Variants in IGFL2 observed in about 807,000 individuals in gnomAD.
The protein encoded by IGFL2 is IGF like family member 2.
In IGFL2, 7 loss-of-function variants were observed where a neutral mutation model predicts 13.9. The ratio of observed to expected loss-of-function variants is 0.51; its 90% CI spans 0.29 to 0.95. The LOEUF (loss-of-function observed/expected upper bound fraction) is 0.95. Ranked by LOEUF, IGFL2 falls within the 40% of genes least tolerant of loss-of-function variation. The pLI, the probability that IGFL2 is intolerant of heterozygous loss-of-function variation, is 0.08. For missense variants in IGFL2, 138 were observed against 147.8 expected (o/e 0.93, Z 0.34); for synonymous variants, 55 against 55.8 (o/e 0.99, Z 0.07).
chr19:46,133,757 C>G, the IGFL2 span, among the ~76,000 whole-genome samples: 3 of 152,174 alleles, frequency 2.0e-5, no homozygotes, highest in African/African-American at 7.2e-5. Flanking sequence ...AGGAAAGTCC[C>G]TCTGAAGAGG....
At chr19:46,208,270 C>T in the IGFL2 span, 1 of 152,260 alleles carries the variant, frequency 6.6e-6, no homozygotes, top group Non-Finnish European at 1.5e-5. Flanking sequence ...AAACTGGTCT[C>T]CCGGGGCTCA....
chr19:46,132,686 G>A, the IGFL2 span, among the ~76,000 whole-genome samples: 5 of 121,772 alleles, frequency 4.1e-5, no homozygotes, highest in Non-Finnish European at 2.0e-5. Flanking sequence ...GGGAGAGGGA[G>A]AGGAAAGAAG....
chr19:46,201,675 C>T, the IGFL2 span, among the ~76,000 whole-genome samples: 7 of 151,988 alleles, frequency 4.6e-5, no homozygotes, highest in Non-Finnish European at 8.8e-5. Flanking sequence ...GGGATAGTAA[C>T]GGGCGTGTGA....
chr19:46,195,324 GTTAA>G, the IGFL2 span, among the ~76,000 whole-genome samples: 1 of 152,014 alleles, frequency 6.6e-6, no homozygotes, highest in African/African-American at 2.4e-5. Flanking sequence ...GTGGTGCCCT[GTTAA>G]TTAATGACCC....
At chr19:46,192,088 G>A in the IGFL2 span, among the ~76,000 whole-genome samples, 1 of 152,056 alleles carries the variant, frequency 6.6e-6, no homozygotes, top group African/African-American at 2.4e-5. Flanking sequence ...GTCCTCTCTG[G>A]TGAGAACTCA....
At chr19:46,172,791 C>T in the IGFL2 span, among the ~76,000 whole-genome samples, 1 of 152,164 alleles carries the variant, frequency 6.6e-6, no homozygotes, top group African/African-American at 2.4e-5. Context: ...GATCTTGGCT[C>T]ACTGTAACCT....
At chr19:46,082,704 G>A in the IGFL2 span, among the ~76,000 whole-genome samples, 1 of 151,744 alleles carries the variant, frequency 6.6e-6, no homozygotes, top group Non-Finnish European at 1.5e-5. Flanking sequence ...GCTCACTGCA[G>A]CCTTGATCTT....
the IGFL2 span, among the ~76,000 whole-genome samples, chr19:46,172,954 T>C: frequency 2.0e-5 from 3 of 152,180 alleles, no homozygotes; most frequent in East Asian, 3.8e-4. Flanking sequence ...CTATGTAATA[T>C]AGGTTTATAT....
chr19:46,167,331 G>A, the IGFL2 span, among the ~76,000 whole-genome samples: 133 of 152,278 alleles, frequency 8.7e-4, no homozygotes, highest in African/African-American at 3.1e-3. Flanking sequence ...GTGTGTGCAG[G>A]AGAGCCGCAG....
chr19:46,094,683 C>T, the IGFL2 span, among the ~76,000 whole-genome samples: 1 of 152,118 alleles, frequency 6.6e-6, no homozygotes, highest in African/African-American at 2.4e-5. Flanking sequence ...TTCCCCTCCC[C>T]TGCCCCCACT....
chr19:46,094,878 C>G, the IGFL2 span, among the ~76,000 whole-genome samples: 1 of 152,198 alleles, frequency 6.6e-6, no homozygotes, highest in African/African-American at 2.4e-5. Context: ...TTTATGGCTA[C>G]ATAGTATTCC....
chr19:46,117,122 A>G, the IGFL2 span, among the ~76,000 whole-genome samples: 1 of 152,144 alleles, frequency 6.6e-6, no homozygotes, highest in Non-Finnish European at 1.5e-5. Flanking sequence ...GTACTTTATT[A>G]TTTATTTTTA....
At chr19:46,160,568 T>C (rs756337429) in intron 2 of IGFL2, 46 bp from the exon 3 acceptor site, 2 of 1,613,504 alleles carry the variant, frequency 1.2e-6, no homozygotes, top group East Asian at 4.5e-5. Flanking sequence ...ATGTAGTGCC[T>C]GGTTATCCTT....
In IGFL2 at chr19:46,161,213, C is replaced by A; in HGVS notation, c.*125C>A. On this transcript the variant is annotated 3_prime_UTR_variant, in exon 4 of 4. Transcript: ENST00000377693. ...GATGCAGCTCCAAGCCATTGTATGG[C>A]CCATGTGGGAGACTGATGGGACATG... The A allele has an allele frequency of 2.9e-6, 2 of 688,280 alleles. No individual in the cohort carries two copies. Among genetic ancestry groups the A allele is most frequent in the Non-Finnish European group, 5.0e-6 (2 of 399,604 alleles). The allele number at this position is 688,280 out of a possible 1,614,324, so 42.6% of individuals were successfully genotyped here.
the IGFL2 span, among the ~76,000 whole-genome samples, chr19:46,099,084 T>G: frequency 2.0e-5 from 3 of 152,228 alleles, no homozygotes; most frequent in African/African-American, 7.2e-5. Flanking sequence ...CTTATGAAGC[T>G]TAGTTTAGCC....
the IGFL2 span, chr19:46,212,805 G>A: frequency 2.6e-5 from 4 of 152,084 alleles, no homozygotes; most frequent in African/African-American, 9.7e-5. Flanking sequence ...CATCACCAGT[G>A]TCTGACACAA....
At chr19:46,200,855 A>C in the IGFL2 span, 1 of 152,200 alleles carries the variant, frequency 6.6e-6, no homozygotes, top group Non-Finnish European at 1.5e-5. Context: ...CGCTGGAAAA[A>C]ATATAAATTC....
the IGFL2 span, chr19:46,189,348 T>C: frequency 3.3e-5 from 5 of 152,430 alleles, no homozygotes; most frequent in Admixed American, 2.0e-4. Flanking sequence ...GGATGGAACA[T>C]GTAAGCGGAC....
At chr19:46,149,926 C>T (rs1307324057) in intron 1 of IGFL2, among the ~76,000 whole-genome samples, 2 of 152,134 alleles carry the variant, frequency 1.3e-5, no homozygotes, top group East Asian at 3.9e-4. Context: ...CATGGTAATT[C>T]TGTTTAACTT....
Sources: allele counts gnomAD v4.1 joint callset (sites outside exome capture counted in the v4.1 genomes callset), GRCh38; gene constraint gnomAD v4.1.1; transcripts MANE v1.5; gene names NCBI Gene and HGNC (gene_info 2026-07-23, HGNC 2026-07-21).